Variants in TTLL5 observed in about 807,000 individuals in gnomAD.
TTLL5 encodes the protein tubulin tyrosine ligase like 5.
Under a neutral mutation model 168.4 loss-of-function variants are expected in TTLL5, and 132 were observed. That is an observed-to-expected ratio of 0.78 (90% confidence interval 0.68 to 0.91). The LOEUF (loss-of-function observed/expected upper bound fraction) is 0.91. TTLL5 is among the 40% of genes least tolerant of loss of function. The pLI, the probability that TTLL5 is intolerant of heterozygous loss-of-function variation, is 0.00. For missense variants in TTLL5, 1,545 were observed against 1,581.5 expected, an observed-to-expected ratio of 0.98 and a Z score of 0.39; for synonymous variants, 546 against 558.6, an observed-to-expected ratio of 0.98 and a Z score of 0.32.
chr14:75,930,853 A>G (rs997659617), intron 31 of TTLL5, among the ~76,000 whole-genome samples: 4 of 152,146 alleles, frequency 2.6e-5, no homozygotes, highest in African/African-American at 9.7e-5. Context: ...TTATTTAATC[A>G]CTCAGCTTAG....
At chr14:75,794,767 G>A (rs898516680) in intron 27 of TTLL5, among the ~76,000 whole-genome samples, 5 of 152,206 alleles carry the variant, frequency 3.3e-5, no homozygotes, top group African/African-American at 1.2e-4. Context: ...GATGTAATAA[G>A]CAGGATGGAG....
Position 75,776,836 on chromosome 14 carries a change from C to T in TTLL5, c.2373C>T (p.Phe791=). The T allele has an allele frequency of 6.2e-7, 1 of 1,613,246 alleles. No individual in the cohort carries two copies. The highest frequency in any genetic ancestry group is 8.5e-7 in the Non-Finnish European group (1 of 1,179,382). The change falls in exon 23 of 32, where the codon TTC becomes TTT. Residue 791 remains phenylalanine, a synonymous_variant. Transcript: ENST00000298832. The part of the protein sequence containing the change: ...DGVNMENFQE[F]IRQASEAELE... ...TGAATATGGAAAACTTTCAGGAGTTCATCAGACAAGCAAGGTAGTAGACAT... is the reference window on the plus strand; with the variant it reads ...TGAATATGGAAAACTTTCAGGAGTTTATCAGACAAGCAAGGTAGTAGACAT...
chr14:75,753,295 C>G (rs1309578396), intron 18 of TTLL5, among the ~76,000 whole-genome samples: 3 of 152,084 alleles, frequency 2.0e-5, no homozygotes, highest in Admixed American at 2.0e-4. Context: ...TTTTCTAGAC[C>G]TGAAGATACT....
In TTLL5 at chr14:75,732,375, G is replaced by C; in HGVS notation, c.1080G>C (p.Leu360=). The C allele has an allele frequency of 6.2e-7, 1 of 1,613,806 alleles. No homozygotes were observed. The highest frequency in any genetic ancestry group is 1.1e-5 in the South Asian group (1 of 91,058). Residue 360 remains leucine (L), a synonymous_variant, in exon 13 of 32, where the codon CTG becomes CTC. Coordinates refer to ENST00000298832, the MANE Select transcript of TTLL5 (RefSeq NM_015072.5). The part of the protein sequence containing the change: ...YGFDVLIDST[L]KPWLLEVNLS... ...TTGACGTGCTCATAGATTCTACTCT[G>C]AAGCCATGGTTGTTGGAAGTGAATC...
chr14:75,851,012 G>A (rs570567759), intron 28 of TTLL5, among the ~76,000 whole-genome samples: 2 of 147,966 alleles, frequency 1.4e-5, no homozygotes, highest in African/African-American at 5.0e-5. Context: ...CGGAGGGATT[G>A]CTTGAGCCTG....
chr14:75,779,884 G>C (rs990110047), intron 24 of TTLL5, among the ~76,000 whole-genome samples, 182 bp downstream of exon 24: 2 of 152,126 alleles, frequency 1.3e-5, no homozygotes, highest in African/African-American at 2.4e-5. Context: ...AGCAGAAGAA[G>C]GGCATGGTCT....
At chr14:75,798,911 T>C (rs1893135312) in intron 27 of TTLL5, among the ~76,000 whole-genome samples, 1 of 152,188 alleles carries the variant, frequency 6.6e-6, no homozygotes, top group South Asian at 2.1e-4. Flanking sequence ...GAATATTTCA[T>C]GTGCTGATGA....
intron 21 of TTLL5, among the ~76,000 whole-genome samples, chr14:75,772,288 A>G (rs1891381730): frequency 1.3e-5 from 2 of 152,344 alleles, no homozygotes; most frequent in East Asian, 1.9e-4. Context: ...AAGGTTCCAC[A>G]GGTTATACGT....
chr14:75,776,831 G>T lies in TTLL5; in HGVS notation c.2368G>T (p.Glu790Ter). The T allele has an allele frequency of 1.2e-6, 2 of 1,613,528 alleles. No homozygotes were observed. The highest frequency in any genetic ancestry group is 1.7e-6 in the Non-Finnish European group (2 of 1,179,596). ...EDGVNMENFQ[E>*]FIRQASEAEL... is the part of the protein sequence containing the mutation. Reference sequence around the variant, plus strand: ...TGGGGTGAATATGGAAAACTTTCAGGAGTTCATCAGACAAGCAAGGTAGTA... The same window carrying T: ...TGGGGTGAATATGGAAAACTTTCAGTAGTTCATCAGACAAGCAAGGTAGTA... The change falls in exon 23 of 32, where the codon GAG becomes TAG. Residue 790 changes from glutamate to a stop codon, truncating the protein, a stop_gained. Coordinates refer to ENST00000298832, the MANE Select transcript of TTLL5 (RefSeq NM_015072.5). LOFTEE classifies it high-confidence loss of function.
At chr14:75,713,712 A>G (rs1887249598) in intron 9 of TTLL5, among the ~76,000 whole-genome samples, 1 of 152,202 alleles carries the variant, frequency 6.6e-6, no homozygotes, top group Admixed American at 6.5e-5. Context: ...TGGAGAGTAC[A>G]TGTCTCATCT....
chr14:75,677,024 G>A (rs962522698), intron 3 of TTLL5, among the ~76,000 whole-genome samples: 7 of 151,816 alleles, frequency 4.6e-5, no homozygotes, highest in South Asian at 2.1e-4. Context: ...CTCCCATCTC[G>A]GCCTTCCAAA....
chr14:75,861,296 A>C (rs945046281), intron 28 of TTLL5, among the ~76,000 whole-genome samples: 1 of 152,172 alleles, frequency 6.6e-6, no homozygotes, highest in Non-Finnish European at 1.5e-5. Flanking sequence ...CCTTAACGAG[A>C]GATTTGGAAA....
intron 9 of TTLL5, among the ~76,000 whole-genome samples, chr14:75,717,287 T>A (rs1469688689): frequency 2.0e-5 from 3 of 152,048 alleles, no homozygotes; most frequent in Admixed American, 6.6e-5. Flanking sequence ...CTTAATTTTT[T>A]AATTTTTTGT....
At chr14:75,841,860 G>C (rs1018939009) in intron 28 of TTLL5, among the ~76,000 whole-genome samples, 11 of 152,156 alleles carry the variant, frequency 7.2e-5, no homozygotes, top group Non-Finnish European at 1.3e-4. Context: ...ATACTTAAAA[G>C]GTTGGTTTGT....
intron 28 of TTLL5, among the ~76,000 whole-genome samples, chr14:75,840,802 A>AT (rs1177562603): frequency 2.0e-5 from 3 of 152,108 alleles, no homozygotes; most frequent in African/African-American, 7.2e-5. Flanking sequence ...TTTTTCTGTT[A>AT]TTTACCTTCT....
At chr14:75,705,032 T>C (rs77795714) in intron 7 of TTLL5, among the ~76,000 whole-genome samples, 3,693 of 152,280 alleles carry the variant, frequency 0.024, 133 homozygotes, top group African/African-American at 0.072. Context: ...AAGAGAGCTG[T>C]GATTGTTTGA....
At chr14:75,888,609 G>A (rs1481940736) in intron 30 of TTLL5, among the ~76,000 whole-genome samples, 1 of 152,160 alleles carries the variant, frequency 6.6e-6, no homozygotes, top group Non-Finnish European at 1.5e-5. Context: ...CCTGGCAATA[G>A]GTGGTATAGC....
intron 14 of TTLL5, among the ~76,000 whole-genome samples, 183 bp from the exon 15 acceptor site, chr14:75,735,012 A>G (rs1018359383): frequency 1.1e-4 from 16 of 152,120 alleles, no homozygotes; most frequent in African/African-American, 3.6e-4. Flanking sequence ...TCTTCTCTCT[A>G]GTTATGGTGG....
At position 75,679,914 on chromosome 14, in the gene TTLL5, G is replaced by C. The variant is rs142032205; in HGVS notation, c.182-1631G>C. On this transcript the variant is annotated intron_variant, in intron 3 of 31. Transcript: ENST00000298832. The stretch of plus-strand genomic sequence containing the variant: ...TTTAAATGTTAATCCTCCTGTGTCT[G>C]CTTTGCATGGTGTTCCTGCCAGTGC... Among the ~76,000 whole-genome samples, 4 of 152,316 alleles carry C rather than the reference G, an allele frequency of 2.6e-5. No individual in the cohort carries two copies. In the East Asian group the frequency reaches 7.7e-4, roughly 29 times the overall value.
Sources: gnomAD v4.1 joint callset for allele counts (sites outside exome capture counted in the v4.1 genomes callset) on GRCh38, gnomAD v4.1.1 for gene constraint, MANE v1.5 for transcripts, NCBI Gene and HGNC (gene_info 2026-07-23, HGNC 2026-07-21) for gene names.